Variants in ABHD2 observed in about 807,000 individuals in gnomAD.
The protein encoded by ABHD2 is abhydrolase domain containing 2, acylglycerol lipase.
A neutral mutation model predicts 48.1 loss-of-function variants in ABHD2; 20 were observed. That is an observed-to-expected ratio of 0.42 (90% confidence interval 0.29 to 0.60). The LOEUF (loss-of-function observed/expected upper bound fraction) is 0.60. Ranked by LOEUF, ABHD2 falls within the 20% of genes least tolerant of loss-of-function variation. The pLI is 0.24. For synonymous variants in ABHD2, 209 were observed against 214.2 expected (o/e 0.98, Z 0.21); for missense variants, 405 against 550.9 (o/e 0.74, Z 2.65).
chr15:89,152,766 T>G (rs1452816919), intron 4 of ABHD2, among the ~76,000 whole-genome samples: 1 of 152,150 alleles, frequency 6.6e-6, no homozygotes, highest in African/African-American at 2.4e-5. Context: ...AAATTTTCAT[T>G]GCTGCTGGAA....
the ABHD2 span, among the ~76,000 whole-genome samples, chr15:89,081,258 AATCCT>A: frequency 6.7e-5 from 10 of 150,146 alleles, no homozygotes; most frequent in Non-Finnish European, 1.0e-4. Context: ...GGGCTCAAGC[AATCCT>A]CTTGCCTCTG....
upstream of ABHD2, chr15:89,087,035 C>A (rs1447803189): frequency 6.6e-6 from 1 of 152,118 alleles, no homozygotes; most frequent in Non-Finnish European, 1.5e-5. The surrounding 1 kb of genome is among the most constrained non-coding windows in gnomAD (Gnocchi z 5.5). Flanking sequence ...GCTGTGAGTT[C>A]TTTCAAAGAC....
At chr15:89,130,158 G>A (rs768764463) in intron 3 of ABHD2, among the ~76,000 whole-genome samples, 4 of 152,176 alleles carry the variant, frequency 2.6e-5, no homozygotes, top group Non-Finnish European at 5.9e-5. Flanking sequence ...GTTGGACATC[G>A]TATTAGTCGA....
At chr15:89,110,333 T>C (rs1156330798) in intron 1 of ABHD2, among the ~76,000 whole-genome samples, 2 of 151,968 alleles carry the variant, frequency 1.3e-5, no homozygotes, top group African/African-American at 2.4e-5. Flanking sequence ...AGTGCTAGGA[T>C]TACAGGCGTG....
Position 89,092,340 on chromosome 15 carries a change from T to G in ABHD2, c.-107+3777T>G, listed in dbSNP as rs1280953380. ...GTTTCTGATTTTCTTTTGTTGTCTT[T>G]AAGTGGAGGTTCATTAAGTTCAACA... On this transcript the variant is annotated intron_variant, in intron 1 of 10. Transcript: ENST00000352732. This position sits in a 1 kb window ranked among gnomAD's most constrained non-coding sequence, Gnocchi z 4.4. Among the ~76,000 whole-genome samples the G allele has an allele frequency of 6.6e-6, 1 of 152,208 alleles. No homozygotes were observed. The highest frequency in any genetic ancestry group is 1.5e-5 in the Non-Finnish European group (1 of 68,042).
chr15:89,111,300 AT>A (rs2049871477), intron 1 of ABHD2, among the ~76,000 whole-genome samples: 1 of 152,242 alleles, frequency 6.6e-6, no homozygotes, highest in African/African-American at 2.4e-5. Context: ...TAACGCAGTG[AT>A]TTTAGCATTC....
the ABHD2 span, among the ~76,000 whole-genome samples, chr15:89,042,273 G>A: frequency 3.3e-5 from 5 of 152,274 alleles, no homozygotes; most frequent in East Asian, 9.7e-4. Context: ...ACCACTCAGT[G>A]ACACTATTGA....
At position 89,146,692 on chromosome 15, in the gene ABHD2, T is replaced by C. The variant is rs1219536802; in HGVS notation, c.195-4985T>C. Reference sequence around the variant, plus strand: ...ATGCCCAGATGCTTCAACTCAAGAATAGCTTTAAAAAATACAGACAGAAAG... The same window carrying C: ...ATGCCCAGATGCTTCAACTCAAGAACAGCTTTAAAAAATACAGACAGAAAG... On this transcript the variant is annotated intron_variant, in intron 3 of 10. Transcript: ENST00000352732. The surrounding 1 kb of genome is among the most constrained non-coding windows in gnomAD (Gnocchi z 4.2). Among the ~76,000 whole-genome samples, 1 of 152,074 alleles carries C rather than the reference T, an allele frequency of 6.6e-6. No homozygotes were observed. The highest frequency in any genetic ancestry group is 1.5e-5 in the Non-Finnish European group (1 of 68,018).
intron 3 of ABHD2, among the ~76,000 whole-genome samples, chr15:89,149,258 C>T (rs1417525089): frequency 6.6e-6 from 1 of 151,704 alleles, no homozygotes; most frequent in Non-Finnish European, 1.5e-5. Flanking sequence ...CTGAGAATTA[C>T]TGCACCCCAC....
intron 3 of ABHD2, among the ~76,000 whole-genome samples, chr15:89,118,510 G>A (rs968758025): frequency 6.6e-6 from 1 of 152,064 alleles, no homozygotes; most frequent in Non-Finnish European, 1.5e-5. Flanking sequence ...CAATAACTTC[G>A]ACTGTTACTG....
At chr15:89,158,538 G>A (rs556294663) in intron 5 of ABHD2, among the ~76,000 whole-genome samples, 1 of 152,306 alleles carries the variant, frequency 6.6e-6, no homozygotes, top group South Asian at 2.1e-4. Context: ...TGGATCCGAT[G>A]CCCCAGCACT....
Position 89,176,878 on chromosome 15 carries a change from G to A in ABHD2, c.722+883G>A, listed in dbSNP as rs371555471. ...AGTCTAATGCCAAACAGTCCTTATC[G>A]TTATTCAAAGAATCTTTTTGCCTCA... On this transcript the variant is annotated intron_variant, in intron 6 of 10. Coordinates refer to ENST00000352732, the MANE Select transcript of ABHD2 (RefSeq NM_152924.5). The surrounding 1 kb of genome is among the most constrained non-coding windows in gnomAD (Gnocchi z 4.5). 5.3e-5 allele frequency among the ~76,000 whole-genome samples: 8 copies of A among 152,092 alleles called. No homozygotes were observed. Among genetic ancestry groups the A allele is most frequent in the South Asian group, 2.1e-4 (1 of 4,830 alleles).
At chr15:89,068,677 A>G in the ABHD2 span, among the ~76,000 whole-genome samples, 3 of 150,474 alleles carry the variant, frequency 2.0e-5, no homozygotes, top group African/African-American at 2.4e-5. Context: ...ACAGAGCACC[A>G]TATGGCATCA....
At chr15:89,134,432 C>T (rs1276861974) in intron 3 of ABHD2, among the ~76,000 whole-genome samples, 1 of 152,114 alleles carries the variant, frequency 6.6e-6, no homozygotes, top group Non-Finnish European at 1.5e-5. Context: ...ACCTTTTTCA[C>T]CAACTAAATT....
At chr15:89,115,679 G>A (rs1208583050) in intron 2 of ABHD2, among the ~76,000 whole-genome samples, 1 of 152,112 alleles carries the variant, frequency 6.6e-6, no homozygotes. Flanking sequence ...GGATCGCTGC[G>A]ACCTGGGCTG....
chr15:89,055,936 T>C, the ABHD2 span, among the ~76,000 whole-genome samples: 1 of 152,104 alleles, frequency 6.6e-6, no homozygotes, highest in Admixed American at 6.5e-5. Context: ...TGATCACGGC[T>C]CACTGCAGTC....
In ABHD2 at chr15:89,091,979, T is replaced by C. The variant is rs1032236538; in HGVS notation, c.-107+3416T>C. ...TTCATGGTTCAGCCTTTTTGGCCAG[T>C]GCATGAGTAGGACATTTTTAAGCCC... On this transcript the variant is annotated intron_variant, in intron 1 of 10. Transcript: ENST00000352732. The surrounding 1 kb of genome is among the most constrained non-coding windows in gnomAD (Gnocchi z 5.5). 1.3e-5 allele frequency among the ~76,000 whole-genome samples: 2 copies of C among 152,242 alleles called. No homozygotes were observed. Among genetic ancestry groups the C allele is most frequent in the African/African-American group, 4.8e-5 (2 of 41,458 alleles).
intron 4 of ABHD2, among the ~76,000 whole-genome samples, chr15:89,152,314 C>T (rs2050606956): frequency 6.6e-6 from 1 of 152,210 alleles, no homozygotes; most frequent in South Asian, 2.1e-4. Context: ...CTCCTGACCT[C>T]GTGATCTGCC....
chr15:89,193,406 G>C, intron 10 of ABHD2, 87 bp downstream of exon 10: 1 of 1,035,000 alleles, frequency 9.7e-7, no homozygotes, highest in South Asian at 1.3e-5. Context: ...TCATCTCCTG[G>C]AGACCACCCT....
Sources: gnomAD v4.1 joint callset for allele counts (sites outside exome capture counted in the v4.1 genomes callset) on GRCh38, gnomAD v4.1.1 for gene constraint, Gnocchi (gnomAD v3.1) non-coding constraint, MANE v1.5 for transcripts, NCBI Gene and HGNC (gene_info 2026-07-23, HGNC 2026-07-21) for gene names.